The following DPP10 variants were observed in gnomAD, a reference collection of about 807,000 sequenced individuals.
DPP10 encodes dipeptidyl peptidase like 10, also known as inactive dipeptidyl peptidase 10.
A neutral mutation model predicts 120.9 loss-of-function variants in DPP10; 33 were observed. The observed-to-expected ratio is 0.27, with a 90% CI of 0.21 to 0.37. The LOEUF is 0.37. Among genes scored for constraint, DPP10 ranks in the 10% least tolerant of loss-of-function variants. The probability of loss-of-function intolerance (pLI) is 1.00; values close to 1 mark genes in which losing one functional copy is unlikely to be tolerated. For synonymous variants in DPP10, 337 were observed against 326.1 expected, an observed-to-expected ratio of 1.03 and a Z score of -0.36; for missense variants, 816 against 942.8, an observed-to-expected ratio of 0.87 and a Z score of 1.76.
At chr2:114,878,195 G>T (rs559942088) in intron 1 of DPP10, among the ~76,000 whole-genome samples, 50 of 152,006 alleles carry the variant, frequency 3.3e-4, no homozygotes, top group Non-Finnish European at 6.6e-4. Flanking sequence ...TCACTCAAAC[G>T]GATTGATTAG....
intron 12 of DPP10, among the ~76,000 whole-genome samples, chr2:115,762,834 G>A (rs1026513123): frequency 6.6e-6 from 1 of 152,178 alleles, no homozygotes; most frequent in Non-Finnish European, 1.5e-5. Flanking sequence ...CAGAGTAGCT[G>A]CCAGGATCAC....
intron 1 of DPP10, among the ~76,000 whole-genome samples, chr2:115,026,160 G>C (rs140293118): frequency 2.0e-5 from 3 of 152,108 alleles, no homozygotes; most frequent in Admixed American, 2.0e-4. Context: ...TTCAGGTTTA[G>C]ATTTAAAACT....
intron 1 of DPP10, among the ~76,000 whole-genome samples, chr2:114,702,043 G>A (rs868302940): frequency 6.6e-6 from 1 of 152,144 alleles, no homozygotes; most frequent in East Asian, 1.9e-4. Flanking sequence ...TGAAGAAGCT[G>A]GTCCTCTGAG....
intron 1 of DPP10, among the ~76,000 whole-genome samples, chr2:114,582,914 A>G (rs1690654914): frequency 1.3e-5 from 2 of 152,036 alleles, no homozygotes; most frequent in Admixed American, 1.3e-4. Flanking sequence ...CGTCCTTATT[A>G]CTCCAGTAAG....
At chr2:115,269,988 T>C (rs7582219) in intron 1 of DPP10, among the ~76,000 whole-genome samples, 4,585 of 151,998 alleles carry the variant, frequency 0.03, 235 homozygotes, top group African/African-American at 0.1. Context: ...TGGGTATTTA[T>C]GATGTGCCTT....
chr2:115,614,040 C>A (rs1448225928), intron 5 of DPP10, among the ~76,000 whole-genome samples: 1 of 152,010 alleles, frequency 6.6e-6, no homozygotes, highest in Non-Finnish European at 1.5e-5. Context: ...TGGAGAGATC[C>A]AAAAAAGCTT....
intron 1 of DPP10, among the ~76,000 whole-genome samples, chr2:114,481,811 C>T (rs899726563): frequency 6.6e-6 from 1 of 151,292 alleles, no homozygotes; most frequent in African/African-American, 2.4e-5. Context: ...GCTGAGAGAC[C>T]CCTGGAAACT....
At chr2:114,703,240 C>A (rs886644417) in intron 1 of DPP10, among the ~76,000 whole-genome samples, 2 of 152,070 alleles carry the variant, frequency 1.3e-5, no homozygotes, top group African/African-American at 4.8e-5. Context: ...ATATCTAAAT[C>A]TTTTTCTCAG....
chr2:114,619,249 CTT>C (rs1693902963), intron 1 of DPP10, among the ~76,000 whole-genome samples: 1 of 152,004 alleles, frequency 6.6e-6, no homozygotes, highest in African/African-American at 2.4e-5. Flanking sequence ...AAGAAGTAAA[CTT>C]TTCAGTGGCA....
At chr2:114,588,465 T>C (rs1050267109) in intron 1 of DPP10, among the ~76,000 whole-genome samples, 1 of 152,168 alleles carries the variant, frequency 6.6e-6, no homozygotes, top group Admixed American at 6.5e-5. Flanking sequence ...ATGACTATAG[T>C]TAACAATAAT....
At chr2:114,805,822 C>T (rs1035683119) in intron 1 of DPP10, among the ~76,000 whole-genome samples, 1 of 152,136 alleles carries the variant, frequency 6.6e-6, no homozygotes, top group Admixed American at 6.5e-5. Context: ...GAAAGTGACA[C>T]ATTGCACTTT....
At chr2:114,772,693 A>G (rs2106157506) in intron 1 of DPP10, among the ~76,000 whole-genome samples, 1 of 150,482 alleles carries the variant, frequency 6.6e-6, no homozygotes, top group African/African-American at 2.5e-5. Flanking sequence ...GCATAAATGT[A>G]TTGACTCAAT....
chr2:114,590,667 G>A (rs1691388539), intron 1 of DPP10, among the ~76,000 whole-genome samples: 1 of 152,152 alleles, frequency 6.6e-6, no homozygotes, highest in South Asian at 2.1e-4. Context: ...TGAATAAGGA[G>A]TTGGAAAGAG....
intron 3 of DPP10, among the ~76,000 whole-genome samples, chr2:115,455,500 C>T (rs1309120992): frequency 1.3e-5 from 2 of 151,994 alleles, no homozygotes; most frequent in Non-Finnish European, 2.9e-5. Context: ...AAAGAGCTCA[C>T]ATAGCCAAGA....
chr2:115,581,713 AT>A (rs1449856870), intron 5 of DPP10, among the ~76,000 whole-genome samples: 1 of 152,106 alleles, frequency 6.6e-6, no homozygotes, highest in Non-Finnish European at 1.5e-5. Context: ...CCCCCTGGTC[AT>A]TTGGGGACAG....
intron 1 of DPP10, among the ~76,000 whole-genome samples, chr2:114,913,657 A>G (rs1002134309): frequency 1.3e-5 from 2 of 152,230 alleles, no homozygotes; most frequent in Non-Finnish European, 2.9e-5. Context: ...TGGAAAGTCT[A>G]AAATCCAGAG....
intron 1 of DPP10, among the ~76,000 whole-genome samples, chr2:114,895,636 C>T (rs973919088): frequency 6.6e-6 from 1 of 152,138 alleles, no homozygotes; most frequent in African/African-American, 2.4e-5. Context: ...TCCCAACTTG[C>T]CATCTCACAT....
intron 1 of DPP10, among the ~76,000 whole-genome samples, chr2:114,772,351 G>T (rs1444615931): frequency 6.6e-6 from 1 of 151,738 alleles, no homozygotes; most frequent in Non-Finnish European, 1.5e-5. Context: ...GTAGAGATGG[G>T]GTCTCACCAT....
chr2:115,235,959 TAAA>T (rs2057982253), intron 1 of DPP10, among the ~76,000 whole-genome samples: 9 of 152,154 alleles, frequency 5.9e-5, no homozygotes, highest in Non-Finnish European at 1.2e-4. Flanking sequence ...GTGAAACACT[TAAA>T]TTACTCCCTA....
Sources: allele counts gnomAD v4.1 joint callset (sites outside exome capture counted in the v4.1 genomes callset), GRCh38; gene constraint gnomAD v4.1.1; transcripts MANE v1.5; gene names NCBI Gene and HGNC (gene_info 2026-07-23, HGNC 2026-07-21).